Variants in DLG1 observed in about 807,000 individuals in gnomAD.
DLG1 encodes the protein disks large homolog 1.
In DLG1, 42 loss-of-function variants were observed where a neutral mutation model predicts 123.4. The observed-to-expected ratio is 0.34, with a 90% CI of 0.27 to 0.44. The LOEUF is 0.44. Ranked by LOEUF, DLG1 falls within the 20% of genes least tolerant of loss-of-function variation. The probability of loss-of-function intolerance (pLI) is 1.00; values close to 1 mark genes in which losing one functional copy is unlikely to be tolerated. For synonymous variants in DLG1, 317 were observed against 356.2 expected, an observed-to-expected ratio of 0.89 and a Z score of 1.24; for missense variants, 942 against 1,082.6, an observed-to-expected ratio of 0.87 and a Z score of 1.82.
Position 197,140,277 on chromosome 3 carries a change from GA to G in DLG1, c.589-14del. On this transcript the variant is annotated splice_polypyrimidine_tract_variant and intron_variant, in intron 7 of 24. Transcript: ENST00000667157. ...GCCCTGAATTTCCCTGAGGATAGAA[GA>G]AAAAAAATTGAGACTGAATATGATT... The G allele has an allele frequency of 2.5e-6, 4 of 1,603,330 alleles. No individual in the cohort carries two copies. The highest frequency in any genetic ancestry group is 3.5e-5 in the Admixed American group (2 of 57,698).
intron 4 of DLG1, among the ~76,000 whole-genome samples, chr3:197,254,023 G>A (rs1453732309): frequency 1.3e-5 from 2 of 152,132 alleles, no homozygotes; most frequent in African/African-American, 4.8e-5. Flanking sequence ...TACCTAAACA[G>A]TGTATCTGAC....
At chr3:197,196,256 T>A (rs1722469872) in intron 4 of DLG1, among the ~76,000 whole-genome samples, 1 of 151,060 alleles carries the variant, frequency 6.6e-6, no homozygotes, top group African/African-American at 2.4e-5. Flanking sequence ...TAGCACTTTT[T>A]AAACAACATC....
At chr3:197,194,784 T>C (rs1263150111) in intron 4 of DLG1, among the ~76,000 whole-genome samples, 195 bp from the exon 5 acceptor site, 1 of 152,160 alleles carries the variant, frequency 6.6e-6, no homozygotes, top group African/African-American at 2.4e-5. Context: ...AATTTAAACA[T>C]TAGAAATAAT....
At chr3:197,279,113 A>G (rs937134159) in intron 4 of DLG1, among the ~76,000 whole-genome samples, 1 of 152,222 alleles carries the variant, frequency 6.6e-6, no homozygotes, top group Non-Finnish European at 1.5e-5. Flanking sequence ...AGTCTAAAGT[A>G]GCAAATGAAA....
At chr3:197,068,743 T>C (rs1268183705) in intron 19 of DLG1, among the ~76,000 whole-genome samples, 2 of 152,298 alleles carry the variant, frequency 1.3e-5, no homozygotes, top group African/African-American at 4.8e-5. Context: ...CAGGTGATCA[T>C]TGAAAATGTT....
intron 3 of DLG1, among the ~76,000 whole-genome samples, chr3:197,289,939 G>T (rs1178855898): frequency 2.0e-5 from 3 of 152,142 alleles, no homozygotes; most frequent in Non-Finnish European, 2.9e-5. Flanking sequence ...ATAAAACAAG[G>T]TGTGTACTAA....
rs530448221 is a variant in DLG1, at chr3:197,206,003, A to C, written c.319-11414T>G. ...TGGGTCCACCCAAATAATTTAGGATAATCTCCCTATCTTAAAATCAGTTTA... is the reference window on the plus strand; with the variant it reads ...TGGGTCCACCCAAATAATTTAGGATCATCTCCCTATCTTAAAATCAGTTTA... On this transcript the variant is annotated intron_variant, in intron 4 of 24. Transcript: ENST00000667157. Among the ~76,000 whole-genome samples the C allele has an allele frequency of 9.2e-5, 14 of 152,320 alleles. No individual in the cohort carries two copies. In the South Asian group the frequency reaches 2.7e-3, roughly 29 times the overall value.
chr3:197,189,832 C>T (rs1178887477), intron 5 of DLG1, among the ~76,000 whole-genome samples: 4 of 152,126 alleles, frequency 2.6e-5, no homozygotes, highest in South Asian at 2.1e-4. Context: ...ACACAAAGAT[C>T]GCCACTCAGA....
chr3:197,116,684 C>T (rs748643588), intron 12 of DLG1, among the ~76,000 whole-genome samples: 4 of 152,062 alleles, frequency 2.6e-5, no homozygotes, highest in Admixed American at 6.6e-5. Context: ...CTCAAAAAAA[C>T]GAAACAAAAT....
At chr3:197,254,856 T>TGGCC (rs951116830) in intron 4 of DLG1, among the ~76,000 whole-genome samples, 5 of 152,022 alleles carry the variant, frequency 3.3e-5, no homozygotes, top group African/African-American at 1.2e-4. Flanking sequence ...CAAGACAGCC[T>TGGCC]GGCCAATGTG....
intron 5 of DLG1, among the ~76,000 whole-genome samples, chr3:197,166,887 C>T (rs867297316): frequency 1.3e-5 from 2 of 151,756 alleles, no homozygotes; most frequent in Non-Finnish European, 2.9e-5. Context: ...AGCGAAACTC[C>T]GTCTCGGGGG....
At chr3:197,250,316 TC>T (rs1459911912) in intron 4 of DLG1, among the ~76,000 whole-genome samples, 1 of 152,164 alleles carries the variant, frequency 6.6e-6, no homozygotes, top group Non-Finnish European at 1.5e-5. Context: ...ATGCCTGTAA[TC>T]CCAGCACTTT....
In DLG1 at chr3:197,138,613, AAAT is replaced by A. The variant is rs750985351; in HGVS notation, c.714-225_714-223del. Among the ~76,000 whole-genome samples, 15 of 152,230 alleles carry A rather than the reference AAAT, an allele frequency of 9.9e-5. No homozygotes were observed. In the East Asian group the frequency reaches 1.3e-3, roughly 14 times the overall value. On this transcript the variant is annotated intron_variant, in intron 8 of 24. Transcript: ENST00000667157. ...GCAAAAGGAACAAAAGAAATAGTGA[AAAT>A]AATAGATTATATAAAAATGTTAAAT...
At chr3:197,285,655 T>C (rs1477850212) in intron 3 of DLG1, among the ~76,000 whole-genome samples, 1 of 152,090 alleles carries the variant, frequency 6.6e-6, no homozygotes, top group African/African-American at 2.4e-5. Flanking sequence ...ATATATCAAA[T>C]ATCACCAGGG....
chr3:197,056,053 T>G (rs1330113918), intron 23 of DLG1, among the ~76,000 whole-genome samples: 1 of 152,224 alleles, frequency 6.6e-6, no homozygotes, highest in Non-Finnish European at 1.5e-5. Context: ...AACAGGTAGT[T>G]GCTACCATGT....
chr3:197,119,956 C>T (rs1047076319), intron 11 of DLG1, among the ~76,000 whole-genome samples: 2 of 152,016 alleles, frequency 1.3e-5, no homozygotes, highest in Non-Finnish European at 1.5e-5. Flanking sequence ...AAAGCAAAAA[C>T]GAAAAACAAG....
intron 5 of DLG1, among the ~76,000 whole-genome samples, chr3:197,172,751 G>A (rs1214013630): frequency 6.6e-6 from 1 of 152,152 alleles, no homozygotes; most frequent in African/African-American, 2.4e-5. Flanking sequence ...TTTACAGTTT[G>A]ATAACCTTAG....
chr3:197,117,891 T>C (rs1374555695), intron 12 of DLG1, among the ~76,000 whole-genome samples: 2 of 152,270 alleles, frequency 1.3e-5, no homozygotes, highest in East Asian at 3.9e-4. Context: ...TTTAAACAGG[T>C]GAAATTTATG....
At chr3:197,182,356 C>G (rs1183407225) in intron 5 of DLG1, among the ~76,000 whole-genome samples, 2 of 152,078 alleles carry the variant, frequency 1.3e-5, no homozygotes, top group Non-Finnish European at 2.9e-5. Flanking sequence ...GTAACTTAAC[C>G]TCAATGCCTA....
Sources: allele counts gnomAD v4.1 joint callset (sites outside exome capture counted in the v4.1 genomes callset), GRCh38; gene constraint gnomAD v4.1.1; transcripts MANE v1.5; gene names NCBI Gene and HGNC (gene_info 2026-07-23, HGNC 2026-07-21).